Variants in CNTN1 observed in about 807,000 individuals in gnomAD.
CNTN1 encodes contactin 1.
In CNTN1, 38 loss-of-function variants were observed where a neutral mutation model predicts 126.4. The observed-to-expected ratio is 0.30, with a 90% CI of 0.23 to 0.39. The LOEUF is 0.39. CNTN1 is among the 10% of genes least tolerant of loss of function. The pLI is 1.00. For synonymous variants in CNTN1, 413 were observed against 422.6 expected (o/e 0.98, Z 0.28); for missense variants, 1,009 against 1,248.4 (o/e 0.81, Z 2.89).
chr12:40,727,194 C>T (rs1226751990), intron 1 of CNTN1, among the ~76,000 whole-genome samples: 1 of 149,656 alleles, frequency 6.7e-6, no homozygotes, highest in Non-Finnish European at 1.5e-5. Context: ...AAAAACAATA[C>T]AAAAATCAAA....
chr12:40,844,983 C>G (rs1322382031), intron 1 of CNTN1, among the ~76,000 whole-genome samples: 5 of 152,154 alleles, frequency 3.3e-5, no homozygotes, highest in Non-Finnish European at 7.4e-5. Flanking sequence ...AAGCACTCTT[C>G]TGTTATTCCA....
At chr12:41,063,378 G>A (rs1021352260) in intron 23 of CNTN1, among the ~76,000 whole-genome samples, 3 of 152,194 alleles carry the variant, frequency 2.0e-5, no homozygotes, top group African/African-American at 7.2e-5. Context: ...CCACAGCTAT[G>A]GGCAGAATAT....
intron 14 of CNTN1, among the ~76,000 whole-genome samples, chr12:40,948,818 C>A (rs1364384376): frequency 6.6e-6 from 1 of 152,208 alleles, no homozygotes; most frequent in Non-Finnish European, 1.5e-5. Context: ...CAAATTACTT[C>A]ATTCTCCCTA....
intron 15 of CNTN1, among the ~76,000 whole-genome samples, chr12:40,961,498 T>C (rs1214753308): frequency 6.6e-6 from 1 of 152,052 alleles, no homozygotes; most frequent in East Asian, 1.9e-4. Flanking sequence ...TATTGGTCTA[T>C]TTATTCATTT....
At position 40,848,826 on chromosome 12, in the gene CNTN1, T is replaced by G. The variant is rs567787306; in HGVS notation, c.-76-59531T>G. 7.7e-3 allele frequency among the ~76,000 whole-genome samples: 153 copies of G among 19,852 alleles called. 1 individual carries two copies. Among genetic ancestry groups the G allele is most frequent in the African/African-American group, 0.022 (140 of 6,346 alleles). 13.0% of individuals were successfully genotyped at this position (19,852 alleles called of 152,430 possible). A position where few individuals can be genotyped will look rare whatever the true frequency, so the allele number is the denominator to read the frequency against. On this transcript the variant is annotated intron_variant, in intron 1 of 23. Coordinates refer to ENST00000551295, the MANE Select transcript of CNTN1 (RefSeq NM_001843.4). ...CAGACACTCTAGGGCACCAGGTGTGTTTTTTTTTTTTTTTTTCCAGTAACA... is the reference window on the plus strand; with the variant it reads ...CAGACACTCTAGGGCACCAGGTGTGGTTTTTTTTTTTTTTTTCCAGTAACA...
rs186425625 is a variant in CNTN1, at chr12:41,001,125, G to T, written c.2113+7856G>T. 8.9e-4 allele frequency among the ~76,000 whole-genome samples: 136 copies of T among 152,156 alleles called. 2 individuals are homozygous for T. The South Asian group carries it at 0.011, about 12-fold the overall frequency. On this transcript the variant is annotated intron_variant, in intron 17 of 23. Transcript: ENST00000551295. ...ATGGGTCTTTAGAATAGAGCAATTT[G>T]TATTCTTTTGGGTATATACTCAGTA...
At chr12:40,899,735 A>G (rs532499545) in intron 1 of CNTN1, among the ~76,000 whole-genome samples, 5 of 152,308 alleles carry the variant, frequency 3.3e-5, no homozygotes, top group African/African-American at 1.2e-4. Flanking sequence ...CTTGATTAAA[A>G]TGAAAATATT....
At chr12:40,954,492 T>A (rs1451221905) in intron 14 of CNTN1, among the ~76,000 whole-genome samples, 1 of 152,064 alleles carries the variant, frequency 6.6e-6, no homozygotes, top group African/African-American at 2.4e-5. Flanking sequence ...TCAAAAAAAA[T>A]TTTAATATAA....
chr12:40,707,046 GCACACACACACACACACACACACACA>G (rs59993134), intron 1 of CNTN1, among the ~76,000 whole-genome samples: 7 of 149,316 alleles, frequency 4.7e-5, no homozygotes, highest in African/African-American at 1.7e-4. Context: ...GCGCGCTTGC[GCACACACACACACACACACACACACA>G]CACACACACA....
chr12:41,006,183 A>G (rs1394787150), intron 17 of CNTN1, among the ~76,000 whole-genome samples: 3 of 152,212 alleles, frequency 2.0e-5, no homozygotes, highest in Non-Finnish European at 2.9e-5. Flanking sequence ...TTATGGGGCC[A>G]ACATTCACCT....
At chr12:41,049,597 T>A (rs898682652) in intron 23 of CNTN1, among the ~76,000 whole-genome samples, 1 of 152,252 alleles carries the variant, frequency 6.6e-6, no homozygotes, top group African/African-American at 2.4e-5. Context: ...GCACTAACCA[T>A]CTAATTGTGC....
At chr12:41,055,876 G>A (rs1403279074) in intron 23 of CNTN1, among the ~76,000 whole-genome samples, 1 of 152,042 alleles carries the variant, frequency 6.6e-6, no homozygotes, top group Non-Finnish European at 1.5e-5. Context: ...TTACAGCCAC[G>A]GATTTGCTCT....
At chr12:40,844,310 C>G (rs569337657) in intron 1 of CNTN1, among the ~76,000 whole-genome samples, 1 of 151,866 alleles carries the variant, frequency 6.6e-6, no homozygotes, top group Non-Finnish European at 1.5e-5. Context: ...CCACGATACA[C>G]CCGCCTCGGC....
At chr12:40,879,749 T>C (rs11178878) in intron 1 of CNTN1, among the ~76,000 whole-genome samples, 72,702 of 151,962 alleles carry the variant, frequency 0.48, 18,243 homozygotes, top group African/African-American at 0.64. Context: ...AGACAGGTTA[T>C]GAAGTTCACA....
At chr12:40,908,304 C>G (rs1481264134) in intron 1 of CNTN1, 53 bp from the exon 2 acceptor site, 1 of 638,578 alleles carries the variant, frequency 1.6e-6, no homozygotes, top group African/African-American at 1.9e-5. Flanking sequence ...CCCTTCCTTC[C>G]CCTCTCCTTC....
At chr12:40,912,935 A>G (rs1046083812) in intron 3 of CNTN1, among the ~76,000 whole-genome samples, 2 of 152,162 alleles carry the variant, frequency 1.3e-5, no homozygotes, top group African/African-American at 2.4e-5. Flanking sequence ...GTCATGCTAT[A>G]TATTAGGATG....
rs773215644 is a variant in CNTN1 at position 40,737,357 on chromosome 12, G to GTATATATATATATATA, written c.-77+44766_-77+44767insATATATATATATATAT. On this transcript the variant is annotated intron_variant, in intron 1 of 23. Coordinates refer to ENST00000551295, the MANE Select transcript of CNTN1 (RefSeq NM_001843.4). ...TGTGTGTGTGTGTATATATGTGTGT[G>GTATATATATATATATA]TGTATATATATATATATATATATAT... Among the ~76,000 whole-genome samples the GTATATATATATATATA allele has an allele frequency of 1.9e-3, 195 of 105,060 alleles. 1 individual carries two copies. Among genetic ancestry groups the GTATATATATATATATA allele is most frequent in the South Asian group, 2.1e-3 (6 of 2,800 alleles). The allele number at this position is 105,060 out of a possible 152,430, so 68.9% of individuals were successfully genotyped here. A position where few individuals can be genotyped will look rare whatever the true frequency, so the allele number is the denominator to read the frequency against.
intron 1 of CNTN1, among the ~76,000 whole-genome samples, chr12:40,706,000 A>G (rs1941728957): frequency 2.0e-5 from 3 of 152,060 alleles, no homozygotes; most frequent in Admixed American, 2.0e-4. Flanking sequence ...CCAGGATCCA[A>G]TCATCTCCCA....
At chr12:41,053,442 T>TATATATATATATAA (rs1468871788) in intron 23 of CNTN1, among the ~76,000 whole-genome samples, 1 of 123,050 alleles carries the variant, frequency 8.1e-6, no homozygotes, top group African/African-American at 3.3e-5. Flanking sequence ...TATATATATA[T>TATATATATATATAA]ATATATATAT....
Sources: gnomAD v4.1 joint callset for allele counts (sites outside exome capture counted in the v4.1 genomes callset) on GRCh38, gnomAD v4.1.1 for gene constraint, MANE v1.5 for transcripts, NCBI Gene and HGNC (gene_info 2026-07-23, HGNC 2026-07-21) for gene names.